Variants in APBB2 observed in about 807,000 individuals in gnomAD.
The protein encoded by APBB2 is Fe65-like 1.
A neutral mutation model predicts 82.5 loss-of-function variants in APBB2; 38 were observed. That is an observed-to-expected ratio of 0.46 (90% confidence interval 0.36 to 0.60). The LOEUF (loss-of-function observed/expected upper bound fraction) is 0.60, where lower values mean the gene tolerates loss of function less well. APBB2 is among the 20% of genes least tolerant of loss of function. APBB2 has a pLI of 0.00. For missense variants in APBB2, 772 were observed against 972.3 expected (o/e 0.79, Z 2.74); for synonymous variants, 341 against 368.2 (o/e 0.93, Z 0.85).
At position 40,811,473 on chromosome 4, in the gene APBB2, A is replaced by C. The variant is rs369117672; in HGVS notation, c.*4619T>G. Reference sequence around the variant, plus strand: ...GGAGGCTGAGGCGAGAATTGCTTGAACTTGGGAGGTGGAGGTTGTGGTGAG... The same window carrying C: ...GGAGGCTGAGGCGAGAATTGCTTGACCTTGGGAGGTGGAGGTTGTGGTGAG... On this transcript the variant is annotated 3_prime_UTR_variant, in exon 18 of 18. Coordinates refer to ENST00000508593, the MANE Select transcript of APBB2 (RefSeq NM_004307.2). 1 of 150,304 alleles carries C rather than the reference A, an allele frequency of 6.7e-6. No homozygotes were observed. Among genetic ancestry groups the C allele is most frequent in the East Asian group, 1.9e-4 (1 of 5,154 alleles). The allele number at this position is 150,304 out of a possible 1,614,324, so 9.3% of individuals were successfully genotyped here.
intron 10 of APBB2, among the ~76,000 whole-genome samples, chr4:40,904,619 T>G (rs116326606): frequency 6.6e-6 from 1 of 151,902 alleles, no homozygotes; most frequent in African/African-American, 2.4e-5. Flanking sequence ...TTTGTGGTCA[T>G]TACAGGCAGA....
intron 6 of APBB2, among the ~76,000 whole-genome samples, chr4:40,962,946 G>A (rs1009513548): frequency 2.6e-5 from 4 of 152,192 alleles, no homozygotes; most frequent in South Asian, 2.1e-4. Flanking sequence ...TGAGAAAAAC[G>A]CTCTTGAAGC....
chr4:40,908,577 G>T (rs1777695272), intron 10 of APBB2, among the ~76,000 whole-genome samples: 1 of 152,048 alleles, frequency 6.6e-6, no homozygotes, highest in Non-Finnish European at 1.5e-5. Context: ...ACAATCTTGG[G>T]TGCACCCAGT....
chr4:41,069,958 A>G (rs915334665), intron 3 of APBB2, among the ~76,000 whole-genome samples: 1 of 152,220 alleles, frequency 6.6e-6, no homozygotes, highest in African/African-American at 2.4e-5. Flanking sequence ...GGGAAAATAG[A>G]TGGGTATGAA....
chr4:40,841,983 A>G (rs983065655), intron 12 of APBB2, among the ~76,000 whole-genome samples: 5 of 152,188 alleles, frequency 3.3e-5, no homozygotes, highest in African/African-American at 1.2e-4. Flanking sequence ...CCCGGCCATG[A>G]TATTAATTTT....
At chr4:41,005,224 G>A (rs886579618) in intron 6 of APBB2, among the ~76,000 whole-genome samples, 1 of 152,058 alleles carries the variant, frequency 6.6e-6, no homozygotes, top group South Asian at 2.1e-4. Context: ...CCGAGTAGCT[G>A]GGACTACAGG....
In APBB2 at chr4:40,813,356, A is replaced by G. The variant is rs1468365757; in HGVS notation, c.*2736T>C. 2 of 152,232 alleles carry G rather than the reference A, an allele frequency of 1.3e-5. No individual in the cohort carries two copies. Among genetic ancestry groups the G allele is most frequent in the Non-Finnish European group, 2.9e-5 (2 of 68,042 alleles). 9.4% of individuals were successfully genotyped at this position (152,232 alleles called of 1,614,324 possible). On this transcript the variant is annotated 3_prime_UTR_variant, in exon 18 of 18. Transcript: ENST00000508593. ...AGGTTAATTAAAAATATGGTAAGAC[A>G]TAGAAGGCATCGTGAACATGGCTGC...
chr4:40,841,305 G>C (rs143537479), intron 12 of APBB2, among the ~76,000 whole-genome samples: 11 of 152,118 alleles, frequency 7.2e-5, no homozygotes, highest in Admixed American at 2.6e-4. Context: ...GTGTCTCTCC[G>C]CTTTGCCCAG....
chr4:40,966,438 C>T (rs1794675331), intron 6 of APBB2, among the ~76,000 whole-genome samples: 1 of 152,168 alleles, frequency 6.6e-6, no homozygotes, highest in South Asian at 2.1e-4. Flanking sequence ...TGAATGCTGC[C>T]CCACCTTCCA....
intron 12 of APBB2, among the ~76,000 whole-genome samples, chr4:40,867,806 A>C: frequency 6.6e-6 from 1 of 151,376 alleles, no homozygotes; most frequent in Non-Finnish European, 1.5e-5. Context: ...TATATTGATC[A>C]ATTATCAGGG....
chr4:40,927,490 C>CT (rs931079311), intron 10 of APBB2, among the ~76,000 whole-genome samples: 4 of 152,042 alleles, frequency 2.6e-5, no homozygotes, highest in East Asian at 1.9e-4. Flanking sequence ...TGTTGCCCCT[C>CT]TTTTTTTTAG....
At chr4:40,959,047 G>A (rs1792413212) in intron 6 of APBB2, among the ~76,000 whole-genome samples, 2 of 152,264 alleles carry the variant, frequency 1.3e-5, no homozygotes, top group African/African-American at 4.8e-5. Context: ...TTCAATACCA[G>A]GCAGGATTTA....
At chr4:41,038,437 T>C (rs1720096396) in intron 4 of APBB2, among the ~76,000 whole-genome samples, 1 of 152,158 alleles carries the variant, frequency 6.6e-6, no homozygotes. Flanking sequence ...AACCCATTTT[T>C]AAAACAGTCC....
intron 2 of APBB2, among the ~76,000 whole-genome samples, chr4:41,103,928 A>G (rs1746283586): frequency 6.6e-6 from 1 of 152,248 alleles, no homozygotes; most frequent in Non-Finnish European, 1.5e-5. Context: ...AGGGATGTTT[A>G]AAGTTTATAA....
intron 10 of APBB2, among the ~76,000 whole-genome samples, chr4:40,907,525 C>CA (rs1777335949): frequency 6.6e-6 from 1 of 150,788 alleles, no homozygotes; most frequent in Non-Finnish European, 1.5e-5. Context: ...TGTGTGCTAC[C>CA]AAGCCTGGCT....
intron 10 of APBB2, among the ~76,000 whole-genome samples, chr4:40,931,507 A>G (rs1210812477): frequency 1.3e-5 from 2 of 152,140 alleles, no homozygotes; most frequent in Non-Finnish European, 2.9e-5. Flanking sequence ...TGGGCTCTCG[A>G]AGTGCTGAGA....
intron 2 of APBB2, among the ~76,000 whole-genome samples, chr4:41,132,203 A>G (rs1756219068): frequency 1.3e-5 from 2 of 152,122 alleles, no homozygotes. Context: ...ACATTTCAGC[A>G]CTCAAACTAA....
At chr4:40,977,191 G>T (rs1207675577) in intron 6 of APBB2, among the ~76,000 whole-genome samples, 1 of 152,184 alleles carries the variant, frequency 6.6e-6, no homozygotes, top group Admixed American at 6.5e-5. Flanking sequence ...ATCTCAAAAT[G>T]CAAAGCACCT....
intron 11 of APBB2, 98 bp downstream of exon 11, chr4:40,893,167 C>T (rs959049754): frequency 3.7e-5 from 53 of 1,438,978 alleles, no homozygotes; most frequent in Non-Finnish European, 4.6e-5. Flanking sequence ...ATGAACACCT[C>T]GGAGCCCCTC....
Sources: allele counts gnomAD v4.1 joint callset (sites outside exome capture counted in the v4.1 genomes callset), GRCh38; gene constraint gnomAD v4.1.1; transcripts MANE v1.5; gene names NCBI Gene and HGNC (gene_info 2026-07-23, HGNC 2026-07-21).